The following MB21D2 variants were observed in gnomAD, a reference collection of about 807,000 sequenced individuals.
MB21D2 encodes the protein Mab-21 domain containing 2, also known as nucleotidyltransferase MB21D2.
Under a neutral mutation model 33.3 loss-of-function variants are expected in MB21D2, and 9 were observed. The ratio of observed to expected loss-of-function variants is 0.27; its 90% confidence interval spans 0.16 to 0.47. The LOEUF (loss-of-function observed/expected upper bound fraction) is 0.47. Ranked by LOEUF, MB21D2 falls within the 20% of genes least tolerant of loss-of-function variation. The pLI is 0.99. For synonymous variants in MB21D2, 241 were observed against 236.3 expected (o/e 1.02, Z -0.18); for missense variants, 540 against 624.6 (o/e 0.86, Z 1.44).
At chr3:192,892,300 C>T (rs1289997217) in intron 1 of MB21D2, among the ~76,000 whole-genome samples, 1 of 152,188 alleles carries the variant, frequency 6.6e-6, no homozygotes, top group Non-Finnish European at 1.5e-5. Context: ...CCCCATTTTA[C>T]AGATGAGGAT....
chr3:192,808,952 T>C (rs1322878339), intron 1 of MB21D2, among the ~76,000 whole-genome samples: 1 of 152,230 alleles, frequency 6.6e-6, no homozygotes, highest in Non-Finnish European at 1.5e-5. Context: ...ATAGTACACA[T>C]TTGAAGTACA....
intron 1 of MB21D2, among the ~76,000 whole-genome samples, chr3:192,855,039 C>T (rs1234166363): frequency 2.0e-5 from 3 of 152,184 alleles, no homozygotes; most frequent in Non-Finnish European, 4.4e-5. Context: ...AACTCATGTA[C>T]CAATGAGTAA....
rs151231106 is a variant in MB21D2 at position 192,835,892 on chromosome 3, G to A, written c.212-36242C>T. Among the ~76,000 whole-genome samples, 442 of 151,636 alleles carry A rather than the reference G, an allele frequency of 2.9e-3. 1 individual carries two copies. The highest frequency in any genetic ancestry group is 6.0e-3 in the Admixed American group (91 of 15,238). On this transcript the variant is annotated intron_variant, in intron 1 of 1. Transcript: ENST00000392452. ...TCAGACAAAAAGCTTTTGATTACAG[G>A]ATGTCACTATTTTCAGAATGTTCTT...
intron 1 of MB21D2, among the ~76,000 whole-genome samples, chr3:192,841,000 G>T (rs892582645): frequency 2.0e-5 from 3 of 152,192 alleles, no homozygotes; most frequent in African/African-American, 7.2e-5. Flanking sequence ...TAGATTTAAA[G>T]ACCTAGGAGT....
chr3:192,839,490 T>C (rs1451101402), intron 1 of MB21D2, among the ~76,000 whole-genome samples: 3 of 152,200 alleles, frequency 2.0e-5, no homozygotes, highest in Admixed American at 2.0e-4. Context: ...GAAGACTTAA[T>C]TGCTCCCTAA....
Position 192,900,284 on chromosome 3 carries a change from C to CAAA in MB21D2, c.211+17343_211+17345dup, listed in dbSNP as rs66984849. ...TGGGTGACAGAGCAAGACTCTGTCT[C>CAAA]AAAAAAAAAAAAAAAAAAAAAAAAT... On this transcript the variant is annotated intron_variant, in intron 1 of 1. Transcript: ENST00000392452. Among the ~76,000 whole-genome samples the CAAA allele has an allele frequency of 2.6e-3, 240 of 91,142 alleles. 2 individuals are homozygous for CAAA. The highest frequency in any genetic ancestry group is 3.7e-3 in the South Asian group (10 of 2,728). The allele number at this position is 91,142 out of a possible 152,430, so 59.8% of individuals were successfully genotyped here. A position where few individuals can be genotyped will look rare whatever the true frequency, so the allele number is the denominator to read the frequency against.
chr3:192,875,015 T>TAA (rs56300027), intron 1 of MB21D2, among the ~76,000 whole-genome samples: 5,979 of 149,066 alleles, frequency 0.04, 285 homozygotes, highest in East Asian at 0.16. Context: ...CTGTCCCTAT[T>TAA]AAAAAAAAAA....
At chr3:192,837,510 G>A (rs1712467013) in intron 1 of MB21D2, among the ~76,000 whole-genome samples, 1 of 152,102 alleles carries the variant, frequency 6.6e-6, no homozygotes, top group Admixed American at 6.5e-5. Context: ...GAGGCCCCTC[G>A]GCACAGAGGC....
chr3:192,867,405 A>G (rs904550472), intron 1 of MB21D2, among the ~76,000 whole-genome samples: 1 of 152,154 alleles, frequency 6.6e-6, no homozygotes, highest in Non-Finnish European at 1.5e-5. Context: ...CAAAGAAAAA[A>G]CAATATACCC....
intron 1 of MB21D2, among the ~76,000 whole-genome samples, chr3:192,850,743 A>G (rs1291906208): frequency 6.6e-6 from 1 of 152,164 alleles, no homozygotes; most frequent in African/African-American, 2.4e-5. Flanking sequence ...TCCACTGCGC[A>G]CCATAATCCG....
intron 1 of MB21D2, among the ~76,000 whole-genome samples, chr3:192,859,129 G>A (rs971705274): frequency 2.0e-5 from 3 of 152,108 alleles, no homozygotes; most frequent in African/African-American, 7.2e-5. Context: ...GGACCCAGAG[G>A]GATCCTGATC....
At chr3:192,873,411 T>C (rs1220152394) in intron 1 of MB21D2, among the ~76,000 whole-genome samples, 1 of 152,188 alleles carries the variant, frequency 6.6e-6, no homozygotes, top group Non-Finnish European at 1.5e-5. Context: ...GGATGAGGCT[T>C]CTCAGGACCG....
chr3:192,817,560 G>A (rs970252651), intron 1 of MB21D2, among the ~76,000 whole-genome samples: 8 of 152,122 alleles, frequency 5.3e-5, no homozygotes, highest in African/African-American at 1.9e-4. Flanking sequence ...CAGTAAATCT[G>A]TCATCATTAA....
chr3:192,814,864 CAAA>C (rs11370792), intron 1 of MB21D2, among the ~76,000 whole-genome samples: 2 of 125,004 alleles, frequency 1.6e-5, no homozygotes, highest in Non-Finnish European at 3.2e-5. Context: ...GACTCCATCC[CAAA>C]AAAAAAAAAA....
At position 192,892,615 on chromosome 3, in the gene MB21D2, A is replaced by AT. The variant is rs34980775; in HGVS notation, c.211+25014dup. On this transcript the variant is annotated intron_variant, in intron 1 of 1. Transcript: ENST00000392452. ...GCCACCACACCTGGCTACTTTTTGT[A>AT]TTTTTTTAGTAGAGACGGGGTTTCA... 1.9e-3 allele frequency among the ~76,000 whole-genome samples: 293 copies of AT among 151,832 alleles called. 3 individuals carry two copies. Among genetic ancestry groups the AT allele is most frequent in the South Asian group, 0.017 (80 of 4,804 alleles).
intron 1 of MB21D2, among the ~76,000 whole-genome samples, chr3:192,875,054 G>C (rs1024282841): frequency 2.0e-5 from 3 of 151,632 alleles, no homozygotes; most frequent in African/African-American, 7.3e-5. Flanking sequence ...ATCCTAATTT[G>C]GGTGTGCCAC....
intron 1 of MB21D2, among the ~76,000 whole-genome samples, chr3:192,853,240 C>T (rs7613466): frequency 2.6e-5 from 4 of 152,192 alleles, no homozygotes; most frequent in Non-Finnish European, 4.4e-5. Flanking sequence ...TCTCCCACTT[C>T]TGGACACTCA....
chr3:192,909,912 G>T (rs1450774549), intron 1 of MB21D2, among the ~76,000 whole-genome samples: 39 of 111,864 alleles, frequency 3.5e-4, no homozygotes, highest in Admixed American at 1.6e-3. Context: ...TCTCCAGCCT[G>T]AGTGACAGAG....
intron 1 of MB21D2, among the ~76,000 whole-genome samples, chr3:192,884,654 AT>A: frequency 6.6e-6 from 1 of 152,070 alleles, no homozygotes; most frequent in Non-Finnish European, 1.5e-5. Flanking sequence ...GGCGTGAGCC[AT>A]CGCACCCGGC....
Sources: gnomAD v4.1 joint callset for allele counts (sites outside exome capture counted in the v4.1 genomes callset) on GRCh38, gnomAD v4.1.1 for gene constraint, MANE v1.5 for transcripts, NCBI Gene and HGNC (gene_info 2026-07-23, HGNC 2026-07-21) for gene names.